Variants in LINGO1 observed in about 807,000 individuals in gnomAD.
The protein encoded by LINGO1 is leucine rich repeat and Ig domain containing 1.
A neutral mutation model predicts 37.3 loss-of-function variants in LINGO1; 11 were observed. That is an observed-to-expected ratio of 0.29 (90% confidence interval 0.19 to 0.49). LINGO1 has a LOEUF of 0.49. LINGO1 is among the 20% of genes least tolerant of loss of function. The pLI is 0.99. For synonymous variants in LINGO1, 387 were observed against 403.0 expected (o/e 0.96, Z 0.48); for missense variants, 585 against 878.2 (o/e 0.67, Z 4.22).
chr15:77,630,106 C>G (rs1596011735), intron 1 of LINGO1, among the ~76,000 whole-genome samples: 1 of 152,038 alleles, frequency 6.6e-6, no homozygotes, highest in African/African-American at 2.4e-5. Flanking sequence ...ACACACAGGA[C>G]AGCTAGCCCA....
At chr15:77,802,283 A>G (rs1343235770) in intron 1 of LINGO1, among the ~76,000 whole-genome samples, 15 of 145,528 alleles carry the variant, frequency 1.0e-4, no homozygotes, top group African/African-American at 8.5e-5. Flanking sequence ...GTGTGTGTGT[A>G]TGTGTGTTGT....
At chr15:77,619,813 G>T (rs938467460) in intron 1 of LINGO1, among the ~76,000 whole-genome samples, 1 of 152,262 alleles carries the variant, frequency 6.6e-6, no homozygotes, top group Non-Finnish European at 1.5e-5. Context: ...AGGCCTGGCA[G>T]TTGGTCCCAC....
At chr15:77,647,787 T>C in intron 3 of LINGO1, 3 of 450,348 alleles carry the variant, frequency 6.7e-6, no homozygotes, top group South Asian at 3.2e-5. Flanking sequence ...CTCTCTCTCT[T>C]CTTTCCTTGT....
chr15:77,672,000 G>GCCTCCTCCTCCTCCTCCTCCTCCTCCT (rs10559337), intron 3 of LINGO1, among the ~76,000 whole-genome samples: 1 of 145,676 alleles, frequency 6.9e-6, no homozygotes, highest in African/African-American at 2.7e-5. Flanking sequence ...ATGAGCCTCT[G>GCCTCCTCCTCCTCCTCCTCCTCCTCCT]CCTCCTCCTC....
At chr15:77,741,686 C>A (rs962071616) in intron 1 of LINGO1, among the ~76,000 whole-genome samples, 2 of 152,224 alleles carry the variant, frequency 1.3e-5, no homozygotes, top group Admixed American at 6.5e-5. Context: ...AGTAGCTTCC[C>A]GCCTCAGCTT....
At chr15:77,701,836 A>AT (rs1258771504) in intron 2 of LINGO1, among the ~76,000 whole-genome samples, 1 of 152,214 alleles carries the variant, frequency 6.6e-6, no homozygotes, top group African/African-American at 2.4e-5. Flanking sequence ...TACGGCCTGC[A>AT]GAACCATGAC....
intron 1 of LINGO1, chr15:77,819,268 C>T (rs991493925): frequency 1.3e-5 from 2 of 149,774 alleles, no homozygotes; most frequent in African/African-American, 4.9e-5. Flanking sequence ...CGGCCACACT[C>T]ACCGTCCCGG....
intron 1 of LINGO1, among the ~76,000 whole-genome samples, chr15:77,747,794 G>A (rs563329147): frequency 7.4e-4 from 113 of 152,330 alleles, no homozygotes; most frequent in Non-Finnish European, 3.1e-4. Flanking sequence ...GCTGGGGTTC[G>A]GAGGCATTAA....
At chr15:77,791,178 A>G (rs1002686431), upstream of LINGO1, among the ~76,000 whole-genome samples, 2 of 152,170 alleles carry the variant, frequency 1.3e-5, no homozygotes, top group Non-Finnish European at 2.9e-5. Flanking sequence ...CTGTTTGGGA[A>G]GAGCTTTGAC....
At chr15:77,801,242 C>T (rs1054686766) in intron 1 of LINGO1, among the ~76,000 whole-genome samples, 2 of 152,042 alleles carry the variant, frequency 1.3e-5, no homozygotes, top group Admixed American at 6.5e-5. Context: ...CTGGTAAGAC[C>T]GAAAAAGAAA....
At chr15:77,647,092 G>A (rs1020995724) in intron 3 of LINGO1, among the ~76,000 whole-genome samples, 2 of 152,056 alleles carry the variant, frequency 1.3e-5, no homozygotes, top group African/African-American at 4.8e-5. Flanking sequence ...CTCGGGGCTG[G>A]GGAGTGTGGG....
chr15:77,760,531 G>C (rs778982117), intron 1 of LINGO1, among the ~76,000 whole-genome samples: 26 of 152,372 alleles, frequency 1.7e-4, no homozygotes, highest in Admixed American at 3.3e-4. Context: ...CACAGGGCCT[G>C]CATTTATTTC....
At chr15:77,699,585 C>CACCTGCACACAGCACATACTAACCATCA (rs1419755081), upstream of LINGO1, among the ~76,000 whole-genome samples, 1 of 8,370 alleles carries the variant, frequency 1.2e-4, no homozygotes, top group Non-Finnish European at 2.4e-4. Flanking sequence ...TACTAACCAT[C>CACCTGCACACAGCACATACTAACCATCA]CCCGCACACA....
rs752413609 is a variant in LINGO1 at position 77,615,889 on chromosome 15, C to T, written c.18G>A (p.Arg6=). The T allele has an allele frequency of 1.1e-5, 16 of 1,469,312 alleles. No individual in the cohort carries two copies. The Middle Eastern group carries it at 5.5e-4, about 51-fold the overall frequency. The allele number at this position is 1,469,312 out of a possible 1,614,324, so 91.0% of individuals were successfully genotyped here. The change falls in exon 2 of 2, where the codon AGG becomes AGA. Residue 6 remains arginine (R), a synonymous_variant. Coordinates refer to ENST00000355300, the MANE Select transcript of LINGO1 (RefSeq NM_032808.7). Reference sequence around the variant, plus strand: ...TGCTCCTCACGCCCCCCGCCAGCATCCTCTTGCTCACCTGCAGCCGGGAGC... The same window carrying T: ...TGCTCCTCACGCCCCCCGCCAGCATTCTCTTGCTCACCTGCAGCCGGGAGC... The part of the protein sequence containing the change: MQVSK[R]MLAGGVRSMP...
At chr15:77,733,029 G>C (rs2076168743) in intron 2 of LINGO1, among the ~76,000 whole-genome samples, 1 of 152,192 alleles carries the variant, frequency 6.6e-6, no homozygotes, top group Admixed American at 6.5e-5. Context: ...ACTGAAGCCT[G>C]TGTCTGTAGA....
chr15:77,670,582 T>C (rs930466316), intron 3 of LINGO1, among the ~76,000 whole-genome samples: 2 of 152,210 alleles, frequency 1.3e-5, no homozygotes, highest in Admixed American at 1.3e-4. Flanking sequence ...AGCACCATGT[T>C]AACACAGGGC....
At chr15:77,734,878 G>T (rs978537620) in intron 2 of LINGO1, 2 of 152,376 alleles carry the variant, frequency 1.3e-5, no homozygotes, top group Non-Finnish European at 2.9e-5. Flanking sequence ...GAAGGGAAAG[G>T]GGGGTCCAGG....
chr15:77,655,315 G>A (rs2074843541), intron 3 of LINGO1, among the ~76,000 whole-genome samples: 1 of 152,160 alleles, frequency 6.6e-6, no homozygotes, highest in South Asian at 2.1e-4. Context: ...GGCCTGGGTT[G>A]GGCCCAGGTT....
chr15:77,747,052 C>T (rs1394031855), intron 1 of LINGO1, among the ~76,000 whole-genome samples: 1 of 152,218 alleles, frequency 6.6e-6, no homozygotes, highest in Non-Finnish European at 1.5e-5. Flanking sequence ...CTAGGCCCGG[C>T]CCATGGACCT....
Sources: allele counts gnomAD v4.1 joint callset (sites outside exome capture counted in the v4.1 genomes callset), GRCh38; gene constraint gnomAD v4.1.1; transcripts MANE v1.5; gene names NCBI Gene and HGNC (gene_info 2026-07-23, HGNC 2026-07-21).